Variants in CHD7 observed in about 807,000 individuals in gnomAD.
The protein encoded by CHD7 is ATP-dependent chromatin remodeler CHD7.
A neutral mutation model predicts 307.3 loss-of-function variants in CHD7; 24 were observed. The observed-to-expected ratio is 0.08, with a 90% CI of 0.06 to 0.11. The LOEUF is 0.11. Ranked by LOEUF, CHD7 falls within the 10% of genes least tolerant of loss-of-function variation. The pLI is 1.00. For missense variants in CHD7, 3,106 were observed against 3,727.1 expected (o/e 0.83, Z 4.34); for synonymous variants, 1,363 against 1,349.9 (o/e 1.01, Z -0.21).
In CHD7 at chr8:60,757,957, T is replaced by C. The variant is rs75657597; in HGVS notation, c.1665+14860T>C. ...GTAATAGTTCTCAAATGTTTTAGTT[T>C]TGAAATCCTGATGCTCTTAAATATT... is the stretch of plus-strand genomic sequence containing the variant. On this transcript the variant is annotated intron_variant, in intron 2 of 37. Transcript: ENST00000423902. Among the ~76,000 whole-genome samples the C allele has an allele frequency of 3.8e-3, 575 of 152,364 alleles. 5 individuals carry two copies. The highest frequency in any genetic ancestry group is 0.013 in the African/African-American group (546 of 41,584).
chr8:60,707,229 C>T (rs1807066478), intron 1 of CHD7, among the ~76,000 whole-genome samples: 1 of 152,208 alleles, frequency 6.6e-6, no homozygotes, highest in Non-Finnish European at 1.5e-5. Context: ...CTTATTCATG[C>T]ATCCACAGAG....
chr8:60,775,819 G>A (rs1049366021), intron 2 of CHD7, among the ~76,000 whole-genome samples: 1 of 152,162 alleles, frequency 6.6e-6, no homozygotes, highest in Non-Finnish European at 1.5e-5. Context: ...GTACAGTGGC[G>A]TGATCTCGGC....
intron 1 of CHD7, among the ~76,000 whole-genome samples, chr8:60,685,042 G>A (rs1805812200): frequency 6.6e-6 from 1 of 152,186 alleles, no homozygotes; most frequent in Non-Finnish European, 1.5e-5. Context: ...TTTCTAGCAT[G>A]TTCCCTGCTT....
intron 19 of CHD7, 126 bp from the exon 20 acceptor site, chr8:60,841,518 C>T (rs1804974242): frequency 1.4e-6 from 1 of 728,284 alleles, no homozygotes; most frequent in Non-Finnish European, 2.4e-6. Context: ...CTAGTCCCAT[C>T]TACTGTAGTG....
At chr8:60,810,215 C>T (rs1369191743) in intron 7 of CHD7, among the ~76,000 whole-genome samples, 1 of 152,006 alleles carries the variant, frequency 6.6e-6, no homozygotes, top group Non-Finnish European at 1.5e-5. Flanking sequence ...CTCGTAACTT[C>T]CCTGTTTTAG....
rs151304651 is a variant in CHD7, at chr8:60,777,768, A to G, written c.1666-3232A>G. 3.5e-4 allele frequency among the ~76,000 whole-genome samples: 54 copies of G among 152,288 alleles called. 1 individual carries two copies. In the East Asian group the frequency reaches 9.2e-3, roughly 26 times the overall value. ...AACACACTCACCTTAGATCATTTTT[A>G]TTTATAGTTTAAGTATCAGTTATGC... On this transcript the variant is annotated intron_variant, in intron 2 of 37. Coordinates refer to ENST00000423902, the MANE Select transcript of CHD7 (RefSeq NM_017780.4).
chr8:60,763,954 C>T (rs1746427532), intron 2 of CHD7, among the ~76,000 whole-genome samples: 1 of 152,118 alleles, frequency 6.6e-6, no homozygotes, highest in Non-Finnish European at 1.5e-5. Context: ...ATGCCTTAAC[C>T]TTCATCTGCA....
chr8:60,755,268 T>G (rs888217174), intron 2 of CHD7, among the ~76,000 whole-genome samples: 3 of 152,112 alleles, frequency 2.0e-5, no homozygotes, highest in African/African-American at 7.3e-5. Flanking sequence ...TCACATTTTT[T>G]CAAATAAGTA....
At chr8:60,813,833 T>C (rs1812921699) in intron 7 of CHD7, among the ~76,000 whole-genome samples, 1 of 151,182 alleles carries the variant, frequency 6.6e-6, no homozygotes, top group Admixed American at 6.6e-5. Flanking sequence ...TATAAATATT[T>C]ATAAGTATTA....
chr8:60,803,084 A>G (rs1414935101), intron 6 of CHD7, among the ~76,000 whole-genome samples: 1 of 152,146 alleles, frequency 6.6e-6, no homozygotes, highest in Non-Finnish European at 1.5e-5. Flanking sequence ...GCACTATTTA[A>G]CTCATTAGAA....
chr8:60,796,867 T>G (rs1812060826), intron 4 of CHD7, among the ~76,000 whole-genome samples: 1 of 152,240 alleles, frequency 6.6e-6, no homozygotes, highest in African/African-American at 2.4e-5. Flanking sequence ...GCATTAAAAT[T>G]CTTGAGTTTT....
chr8:60,755,710 TG>T (rs1809858376), intron 2 of CHD7, among the ~76,000 whole-genome samples: 1 of 152,220 alleles, frequency 6.6e-6, no homozygotes, highest in Non-Finnish European at 1.5e-5. Flanking sequence ...TTAAATGAAA[TG>T]TTTCCTGAAT....
intron 2 of CHD7, among the ~76,000 whole-genome samples, chr8:60,750,410 G>A (rs553071729): frequency 1.3e-5 from 2 of 152,258 alleles, no homozygotes; most frequent in South Asian, 4.1e-4. Flanking sequence ...GGTGGAAAGG[G>A]AATTTTGTTA....
intron 3 of CHD7, among the ~76,000 whole-genome samples, chr8:60,787,829 C>CTTTTT (rs33993174): frequency 2.8e-5 from 3 of 108,826 alleles, no homozygotes; most frequent in African/African-American, 1.0e-4. Flanking sequence ...GATTTTCTTT[C>CTTTTT]TTTTTTTTTT....
intron 2 of CHD7, among the ~76,000 whole-genome samples, chr8:60,755,542 A>G (rs1400353762): frequency 6.6e-6 from 1 of 152,090 alleles, no homozygotes; most frequent in African/African-American, 2.4e-5. Context: ...ACAATATTTT[A>G]ATGTATTTTT....
chr8:60,857,113 ATGTGTTG>A (rs1409782853), intron 34 of CHD7, among the ~76,000 whole-genome samples: 3 of 152,206 alleles, frequency 2.0e-5, no homozygotes, highest in Non-Finnish European at 4.4e-5. Flanking sequence ...CCAAGTTCTG[ATGTGTTG>A]ATTGCTCTCA....
intron 1 of CHD7, among the ~76,000 whole-genome samples, chr8:60,715,054 A>G (rs1041402329): frequency 1.3e-5 from 2 of 152,232 alleles, no homozygotes; most frequent in Admixed American, 6.5e-5. Context: ...GGATTGCTCA[A>G]TGCATGGCTC....
chr8:60,811,627 A>G (rs1812812142), intron 7 of CHD7, among the ~76,000 whole-genome samples: 1 of 152,188 alleles, frequency 6.6e-6, no homozygotes, highest in African/African-American at 2.4e-5. Flanking sequence ...GGATAATGCT[A>G]CAATATATAT....
chr8:60,725,186 C>T (rs893297693), intron 1 of CHD7, among the ~76,000 whole-genome samples: 1 of 152,188 alleles, frequency 6.6e-6, no homozygotes, highest in Non-Finnish European at 1.5e-5. Flanking sequence ...TTCCTAAACT[C>T]TGGATTTCAG....
Sources: allele counts gnomAD v4.1 joint callset (sites outside exome capture counted in the v4.1 genomes callset), GRCh38; gene constraint gnomAD v4.1.1; transcripts MANE v1.5; gene names NCBI Gene and HGNC (gene_info 2026-07-23, HGNC 2026-07-21).